FAM78B: variants seen among roughly 807,000 people sequenced by gnomAD.
The protein encoded by FAM78B is protein FAM78B.
A neutral mutation model predicts 20.0 loss-of-function variants in FAM78B; 10 were observed. The observed-to-expected ratio is 0.50, with a 90% CI of 0.31 to 0.85. The LOEUF (loss-of-function observed/expected upper bound fraction) is 0.85. Ranked by LOEUF, FAM78B falls within the 40% of genes least tolerant of loss-of-function variation. The probability of loss-of-function intolerance (pLI) is 0.05; values close to 1 mark genes in which losing one functional copy is unlikely to be tolerated. For synonymous variants in FAM78B, 135 were observed against 132.8 expected, an observed-to-expected ratio of 1.02 and a Z score of -0.12; for missense variants, 283 against 345.0, an observed-to-expected ratio of 0.82 and a Z score of 1.42.
intron 1 of FAM78B, among the ~76,000 whole-genome samples, chr1:166,073,909 A>C (rs897734117): frequency 2.2e-4 from 33 of 152,096 alleles, no homozygotes; most frequent in African/African-American, 7.5e-4. Flanking sequence ...CATCCTGTGA[A>C]TTTTGCCCCA....
intron 1 of FAM78B, among the ~76,000 whole-genome samples, chr1:166,155,745 T>C (rs1027838914): frequency 2.6e-5 from 4 of 152,110 alleles, no homozygotes; most frequent in African/African-American, 9.7e-5. Flanking sequence ...CCAGCTCAGG[T>C]GTGGGGACTG....
chr1:166,153,818 T>A (rs1655786006), intron 1 of FAM78B, among the ~76,000 whole-genome samples: 1 of 152,030 alleles, frequency 6.6e-6, no homozygotes, highest in Non-Finnish European at 1.5e-5. Flanking sequence ...TATACTCGTC[T>A]CCCTCTGCAG....
At chr1:166,075,189 T>A (rs1199939671) in intron 1 of FAM78B, among the ~76,000 whole-genome samples, 1 of 151,894 alleles carries the variant, frequency 6.6e-6, no homozygotes, top group East Asian at 1.9e-4. Context: ...ATGAAAAAAG[T>A]AGGATTAGAG....
intron 2 of FAM78B, among the ~76,000 whole-genome samples, chr1:166,063,511 G>T (rs1651684274): frequency 6.6e-6 from 1 of 152,078 alleles, no homozygotes; most frequent in East Asian, 1.9e-4. Context: ...TTAAACACTG[G>T]ATCTTATGAG....
chr1:166,141,920 T>C (rs951973924), intron 1 of FAM78B, among the ~76,000 whole-genome samples: 7 of 152,112 alleles, frequency 4.6e-5, no homozygotes, highest in Admixed American at 3.3e-4. Flanking sequence ...CCATATCATA[T>C]TGATATGGAG....
chr1:166,058,373 G>A (rs4354519), exon 3 of FAM78B: 150,758 of 152,390 alleles, frequency 0.99, 74,583 homozygotes, highest in East Asian at 1. Flanking sequence ...GGTATGGGAC[G>A]CTGGAGAGGG....
intron 1 of FAM78B, among the ~76,000 whole-genome samples, chr1:166,132,277 T>C (rs924424970): frequency 6.7e-5 from 10 of 150,132 alleles, no homozygotes; most frequent in African/African-American, 2.4e-4. Context: ...AGAAGAGTGG[T>C]TCCAAATCTC....
Position 166,070,658 on chromosome 1 carries a change from G to C in FAM78B, c.369C>G (p.Thr123=). 6.2e-7 allele frequency: 1 copy of C among 1,613,720 alleles called. No individual in the cohort carries two copies. Among genetic ancestry groups the C allele is most frequent in the Non-Finnish European group, 8.5e-7 (1 of 1,180,008 alleles). Reference sequence around the variant, plus strand: ...AGATCTTGTTGGTGGGGCCAACCAGGGTCACAGTTTCTGTGGTGTTCCCGT... The same window carrying C: ...AGATCTTGTTGGTGGGGCCAACCAGCGTCACAGTTTCTGTGGTGTTCCCGT... ...PWYGNTTETV[T]LVGPTNKISR... is the part of the protein sequence containing the mutation. The change falls in exon 2 of 2, where the codon ACC becomes ACG. Residue 123 remains threonine, a synonymous_variant. Coordinates refer to ENST00000354422, the MANE Select transcript of FAM78B (RefSeq NM_001017961.5).
intron 1 of FAM78B, among the ~76,000 whole-genome samples, chr1:166,080,410 A>G (rs567120486): frequency 6.6e-6 from 1 of 152,340 alleles, no homozygotes; most frequent in Non-Finnish European, 1.5e-5. Flanking sequence ...TCTCCAAGAC[A>G]GGCTCTGGTT....
rs1653878445 is a variant in FAM78B, at chr1:166,108,608, G to T, written c.264-37845C>A. On this transcript the variant is annotated intron_variant, in intron 1 of 1. Coordinates refer to ENST00000354422, the MANE Select transcript of FAM78B (RefSeq NM_001017961.5). ...GCCAAAAGCAATCTACAAATTCAAT[G>T]CAATTCCCATCAAAATACCACTATC... 1.3e-5 allele frequency among the ~76,000 whole-genome samples: 2 copies of T among 152,070 alleles called. 1 individual carries two copies. The highest frequency in any genetic ancestry group is 4.1e-4 in the South Asian group (2 of 4,820).
At chr1:166,112,211 A>G (rs1654082239) in intron 1 of FAM78B, among the ~76,000 whole-genome samples, 1 of 152,180 alleles carries the variant, frequency 6.6e-6, no homozygotes, top group African/African-American at 2.4e-5. Context: ...TATTTACCAC[A>G]TTTCTATTAT....
intron 1 of FAM78B, among the ~76,000 whole-genome samples, chr1:166,071,790 C>T (rs1652041733): frequency 6.6e-6 from 1 of 152,132 alleles, no homozygotes; most frequent in Admixed American, 6.5e-5. Flanking sequence ...TTCAAAGTCC[C>T]TGGTTTTGGC....
chr1:166,097,713 G>C (rs1042946871), intron 1 of FAM78B, among the ~76,000 whole-genome samples: 11 of 152,166 alleles, frequency 7.2e-5, no homozygotes, highest in South Asian at 2.1e-4. Context: ...CATCCCCACA[G>C]CAGCTGCAGG....
chr1:166,115,795 T>A (rs1363919553), intron 1 of FAM78B, among the ~76,000 whole-genome samples: 1 of 152,200 alleles, frequency 6.6e-6, no homozygotes, highest in Non-Finnish European at 1.5e-5. Flanking sequence ...AAGTCAGCTA[T>A]GTTCTGGAGC....
chr1:166,109,890 G>GTATATATGTATGTATATATATATA (rs1557903394), intron 1 of FAM78B, among the ~76,000 whole-genome samples: 1 of 23,198 alleles, frequency 4.3e-5, no homozygotes, highest in South Asian at 1.8e-3. Flanking sequence ...ATGTATATAT[G>GTATATATGTATGTATATATATATA]TATATATATA....
chr1:166,120,537 G>C lies in FAM78B; in HGVS notation c.263+45449C>G, dbSNP rs568644221. 9.8e-5 allele frequency among the ~76,000 whole-genome samples: 15 copies of C among 152,318 alleles called. No homozygotes were observed. In the South Asian group the frequency reaches 1.7e-3, roughly 17 times the overall value. ...AGCTGAAGATCATTTGGAGAGCAAA[G>C]GCAGAAGAGTGAAATGAGAGAAGAA... On this transcript the variant is annotated intron_variant, in intron 1 of 1. Transcript: ENST00000354422.
intron 1 of FAM78B, among the ~76,000 whole-genome samples, chr1:166,121,366 G>A (rs1654460666): frequency 6.6e-6 from 1 of 152,188 alleles, no homozygotes; most frequent in Non-Finnish European, 1.5e-5. Flanking sequence ...TCACAGGGTA[G>A]TGGAGCCCAC....
chr1:166,150,836 C>A (rs1226655953), intron 1 of FAM78B, among the ~76,000 whole-genome samples: 1 of 152,090 alleles, frequency 6.6e-6, no homozygotes, highest in Non-Finnish European at 1.5e-5. Context: ...GCCTGTAATG[C>A]CAGCACTTTG....
intron 1 of FAM78B, among the ~76,000 whole-genome samples, chr1:166,097,780 T>C (rs1653345034): frequency 1.3e-5 from 2 of 150,892 alleles, no homozygotes; most frequent in South Asian, 2.1e-4. Context: ...CCCCACCTGA[T>C]GGTCCTTCCC....
Sources: allele counts gnomAD v4.1 joint callset (sites outside exome capture counted in the v4.1 genomes callset), GRCh38; gene constraint gnomAD v4.1.1; transcripts MANE v1.5; gene names NCBI Gene and HGNC (gene_info 2026-07-23, HGNC 2026-07-21).